SORCS3: variants seen among roughly 807,000 people sequenced by gnomAD.
SORCS3 encodes the protein VPS10 domain-containing receptor SorCS3.
In SORCS3, 57 loss-of-function variants were observed where a neutral mutation model predicts 146.3. That is an observed-to-expected ratio of 0.39 (90% CI 0.31 to 0.49). SORCS3 has a LOEUF of 0.49. Among genes scored for constraint, SORCS3 ranks in the 20% least tolerant of loss-of-function variants. The probability of loss-of-function intolerance (pLI) is 0.92; values close to 1 mark genes in which losing one functional copy is unlikely to be tolerated. For synonymous variants in SORCS3, 653 were observed against 618.5 expected, an observed-to-expected ratio of 1.06 and a Z score of -0.83; for missense variants, 1,341 against 1,575.5, an observed-to-expected ratio of 0.85 and a Z score of 2.52.
chr10:105,178,067 G>T lies in SORCS3; in HGVS notation c.1903G>T (p.Val635Leu), dbSNP rs2056418898. 1.9e-6 allele frequency: 3 copies of T among 1,611,248 alleles called. No homozygotes were observed. The highest frequency in any genetic ancestry group is 4.5e-5 in the East Asian group (2 of 44,772). ...HTPLPVRHLW[V>L]SFDEGHSWDK... Reference sequence around the variant, plus strand: ...TTTGTGTACTTGTTTCCAACACAGGGTGAGTTTTGATGAGGGCCACTCTTG... The same window carrying T: ...TTTGTGTACTTGTTTCCAACACAGGTTGAGTTTTGATGAGGGCCACTCTTG... Residue 635 changes from valine (V) to leucine (L), a missense_variant and splice_region_variant, in exon 14 of 27, where the codon GTG becomes TTG. Coordinates refer to ENST00000369701, the MANE Select transcript of SORCS3 (RefSeq NM_014978.3).
chr10:104,749,460 T>C (rs892849913), intron 1 of SORCS3, among the ~76,000 whole-genome samples: 1 of 152,164 alleles, frequency 6.6e-6, no homozygotes, highest in Non-Finnish European at 1.5e-5. Context: ...CATCTTTGGC[T>C]CAAGTGTTCA....
At chr10:104,942,284 A>G (rs1329995007) in intron 3 of SORCS3, among the ~76,000 whole-genome samples, 1 of 152,242 alleles carries the variant, frequency 6.6e-6, no homozygotes, top group East Asian at 1.9e-4. Context: ...TGAAGAGTTC[A>G]GTATTAATCA....
chr10:104,974,835 G>A (rs992179429), intron 3 of SORCS3, among the ~76,000 whole-genome samples: 11 of 152,066 alleles, frequency 7.2e-5, no homozygotes, highest in East Asian at 3.9e-4. Flanking sequence ...GGCTGGTACC[G>A]GTTGTTCCTT....
At chr10:105,185,359 A>G (rs555101930) in intron 14 of SORCS3, among the ~76,000 whole-genome samples, 13 of 152,298 alleles carry the variant, frequency 8.5e-5, no homozygotes, top group African/African-American at 3.1e-4. Context: ...TGGCAGCACT[A>G]AGTCCAACAC....
At chr10:105,181,838 C>T (rs1420177860) in intron 14 of SORCS3, among the ~76,000 whole-genome samples, 1 of 152,138 alleles carries the variant, frequency 6.6e-6, no homozygotes, top group Non-Finnish European at 1.5e-5. Flanking sequence ...GTGGCTGTTG[C>T]AGCACTTGGG....
At chr10:104,841,902 C>T (rs1385725773) in intron 1 of SORCS3, among the ~76,000 whole-genome samples, 2 of 152,076 alleles carry the variant, frequency 1.3e-5, no homozygotes, top group African/African-American at 2.4e-5. Context: ...TATGCACCTG[C>T]GTTTTGATTA....
chr10:105,169,691 T>A (rs2056344221), intron 13 of SORCS3, among the ~76,000 whole-genome samples: 1 of 152,082 alleles, frequency 6.6e-6, no homozygotes, highest in Non-Finnish European at 1.5e-5. Context: ...GGTAGGTAAT[T>A]TTTTCTGCTA....
chr10:105,111,009 T>TG (rs2055855691), intron 7 of SORCS3, among the ~76,000 whole-genome samples: 1 of 152,154 alleles, frequency 6.6e-6, no homozygotes. Context: ...CAAAGACCTC[T>TG]GTGACCTGGA....
intron 1 of SORCS3, among the ~76,000 whole-genome samples, chr10:104,814,549 A>G (rs1271430696): frequency 1.3e-5 from 2 of 152,164 alleles, no homozygotes; most frequent in African/African-American, 2.4e-5. Flanking sequence ...TTCATCCTCT[A>G]GAACTCAACT....
chr10:104,875,411 A>G (rs552134580), intron 2 of SORCS3, among the ~76,000 whole-genome samples: 1 of 152,314 alleles, frequency 6.6e-6, no homozygotes, highest in African/African-American at 2.4e-5. Flanking sequence ...TACTTGTCTT[A>G]GCTTCAATTT....
chr10:105,005,536 G>T, intron 4 of SORCS3, among the ~76,000 whole-genome samples: 1 of 151,536 alleles, frequency 6.6e-6, no homozygotes, highest in East Asian at 1.9e-4. Flanking sequence ...TTCAGTAGTG[G>T]GGGGAGGAGG....
chr10:105,151,890 G>A (rs528807386), intron 9 of SORCS3, among the ~76,000 whole-genome samples: 1 of 152,046 alleles, frequency 6.6e-6, no homozygotes, highest in Non-Finnish European at 1.5e-5. Context: ...TGAAGGCCAA[G>A]TAATAATCTA....
chr10:104,642,022 G>GCCCCC, intron 1 of SORCS3, 68 bp downstream of exon 1: 27 of 173,326 alleles, frequency 1.6e-4, no homozygotes, highest in East Asian at 1.3e-3. Context: ...GGGTGGGTGG[G>GCCCCC]AGCGAGGGAC....
chr10:104,758,779 C>T (rs767215811), intron 1 of SORCS3, among the ~76,000 whole-genome samples: 1 of 152,128 alleles, frequency 6.6e-6, no homozygotes, highest in Non-Finnish European at 1.5e-5. Flanking sequence ...TCCCAAGCAG[C>T]TTCTCCAGCC....
intron 1 of SORCS3, among the ~76,000 whole-genome samples, chr10:104,657,216 C>A (rs948181723): frequency 3.3e-5 from 5 of 152,166 alleles, no homozygotes; most frequent in African/African-American, 1.2e-4. Context: ...CAAGCCCACG[C>A]TAGATCAGCC....
chr10:105,014,297 G>A (rs1406238901), intron 4 of SORCS3, among the ~76,000 whole-genome samples: 2 of 151,734 alleles, frequency 1.3e-5, no homozygotes, highest in Non-Finnish European at 2.9e-5. Context: ...AGACTTAACT[G>A]TGTAAGACAA....
At chr10:105,047,453 T>A (rs566060897) in intron 5 of SORCS3, among the ~76,000 whole-genome samples, 2 of 152,280 alleles carry the variant, frequency 1.3e-5, no homozygotes, top group South Asian at 4.1e-4. Context: ...TTTTTGTCCC[T>A]CTTCTTTATC....
chr10:105,157,301 C>T lies in SORCS3; in HGVS notation c.1629+17C>T. The T allele has an allele frequency of 6.2e-7, 1 of 1,613,100 alleles. No homozygotes were observed. Among genetic ancestry groups the T allele is most frequent in the Non-Finnish European group, 8.5e-7 (1 of 1,179,312 alleles). On this transcript the variant is annotated intron_variant, in intron 10 of 26. Coordinates refer to ENST00000369701, the MANE Select transcript of SORCS3 (RefSeq NM_014978.3). ...TGCCTGCTGGTCAGTCACTCAGCCT[C>T]ATGGGAAGTTCACAGGGCAGGCTGG...
At chr10:104,930,532 G>T (rs376777347) in intron 3 of SORCS3, among the ~76,000 whole-genome samples, 1 of 152,308 alleles carries the variant, frequency 6.6e-6, no homozygotes, top group Middle Eastern at 3.4e-3. Context: ...GCCGAGAGAA[G>T]AAGTCACGGG....
Sources: gnomAD v4.1 joint callset for allele counts (sites outside exome capture counted in the v4.1 genomes callset) on GRCh38, gnomAD v4.1.1 for gene constraint, MANE v1.5 for transcripts, NCBI Gene and HGNC (gene_info 2026-07-23, HGNC 2026-07-21) for gene names.